Variants in NRXN1 observed in about 807,000 individuals in gnomAD.
NRXN1 encodes the protein neurexin 1.
Under a neutral mutation model 150.9 loss-of-function variants are expected in NRXN1, and 39 were observed. The observed-to-expected ratio is 0.26, with a 90% CI of 0.20 to 0.34. The LOEUF is 0.34. NRXN1 is among the 10% of genes least tolerant of loss of function. NRXN1 has a pLI of 1.00. For synonymous variants in NRXN1, 924 were observed against 757.0 expected (o/e 1.22, Z -3.62); for missense variants, 1,815 against 1,949.9 (o/e 0.93, Z 1.30).
intron 2 of NRXN1, among the ~76,000 whole-genome samples, chr2:50,996,892 G>T (rs945303273): frequency 3.3e-5 from 5 of 152,166 alleles, no homozygotes; most frequent in Middle Eastern, 3.4e-3. Context: ...CGTGAGGGGG[G>T]AGTAATCATT....
At chr2:50,595,770 T>C (rs1204737285) in intron 8 of NRXN1, among the ~76,000 whole-genome samples, 1 of 152,244 alleles carries the variant, frequency 6.6e-6, no homozygotes, top group Non-Finnish European at 1.5e-5. Flanking sequence ...AAGTCAATTA[T>C]GACTTTAGTT....
intron 5 of NRXN1, among the ~76,000 whole-genome samples, chr2:50,786,267 C>T (rs148823535): frequency 1.3e-5 from 2 of 152,126 alleles, no homozygotes; most frequent in African/African-American, 2.4e-5. Flanking sequence ...GGCATGATGC[C>T]GTCTCTAAAT....
intron 21 of NRXN1, among the ~76,000 whole-genome samples, chr2:49,965,123 A>G (rs982912784): frequency 1.3e-5 from 2 of 151,930 alleles, no homozygotes; most frequent in African/African-American, 4.8e-5. Context: ...CCAATGATCC[A>G]CCTGCCTTGG....
intron 18 of NRXN1, among the ~76,000 whole-genome samples, chr2:50,153,998 T>A (rs2152776148): frequency 6.6e-6 from 1 of 151,782 alleles, no homozygotes; most frequent in East Asian, 1.9e-4. Flanking sequence ...AAACTAAAAC[T>A]GACTAAAATT....
intron 12 of NRXN1, among the ~76,000 whole-genome samples, chr2:50,520,268 A>T (rs529600410): frequency 1.3e-5 from 2 of 152,052 alleles, no homozygotes; most frequent in South Asian, 4.1e-4. Flanking sequence ...CTATTTTGAG[A>T]GTCAAAATTA....
At chr2:50,510,870 A>G (rs922992265) in intron 12 of NRXN1, among the ~76,000 whole-genome samples, 19 of 152,182 alleles carry the variant, frequency 1.2e-4, no homozygotes, top group African/African-American at 4.1e-4. Context: ...AGACCAGGTC[A>G]GAATTCAGCT....
intron 21 of NRXN1, among the ~76,000 whole-genome samples, chr2:49,984,718 A>AACACACACAC (rs149322054): frequency 0.082 from 11,976 of 146,838 alleles, 509 homozygotes; most frequent in Middle Eastern, 0.16. Flanking sequence ...AGAACACACA[A>AACACACACAC]ACACACACAC....
chr2:51,015,520 A>G (rs1417055635), intron 2 of NRXN1, among the ~76,000 whole-genome samples: 1 of 152,070 alleles, frequency 6.6e-6, no homozygotes, highest in Non-Finnish European at 1.5e-5. Context: ...GAACATGAAC[A>G]GCTCCCAGCT....
chr2:50,917,098 G>C (rs1298285352), intron 5 of NRXN1: 1 of 151,606 alleles, frequency 6.6e-6, no homozygotes, highest in Non-Finnish European at 1.5e-5. Context: ...TGTGAGTTAA[G>C]GGGATCCAGT....
chr2:50,881,904 A>T (rs993478891), intron 5 of NRXN1, among the ~76,000 whole-genome samples: 4 of 151,690 alleles, frequency 2.6e-5, no homozygotes, highest in African/African-American at 7.3e-5. Flanking sequence ...CTGTTTTTTT[A>T]AAAAAATATA....
At chr2:50,042,842 G>A (rs1405881893) in intron 21 of NRXN1, among the ~76,000 whole-genome samples, 7 of 152,062 alleles carry the variant, frequency 4.6e-5, no homozygotes, top group Non-Finnish European at 1.0e-4. Flanking sequence ...CAGGAAACAG[G>A]TTCTGCTTGG....
At chr2:50,089,306 A>G (rs983116447) in intron 19 of NRXN1, among the ~76,000 whole-genome samples, 3 of 152,220 alleles carry the variant, frequency 2.0e-5, no homozygotes, top group Admixed American at 6.5e-5. Context: ...TTGCACGTTC[A>G]GGTCCACTGT....
intron 5 of NRXN1, chr2:50,920,093 A>G (rs1685780367): frequency 7.9e-6 from 2 of 252,402 alleles, no homozygotes. Context: ...GTGATTTGCA[A>G]AATACTCAAG....
At position 51,028,165 on chromosome 2, in the gene NRXN1, C is replaced by G. The variant is rs910774989; in HGVS notation, c.109G>C (p.Glu37Gln). ...TTGGGGAAGCGCGTCCATTGGCCCT[C>G]GGCGCCCGGAAACTCCAGCCCGCTG... Reference protein sequence around the residue: ...LGSGLEFPGAEGQWTRFPKWN... With the variant: ...LGSGLEFPGAQGQWTRFPKWN... Residue 37 changes from glutamate to glutamine, a missense_variant, in exon 2 of 23, where the codon GAG becomes CAG. This residue lies in a region of NRXN1 where 554 missense variants were observed against 478.8 expected (regional missense o/e 1.16). Coordinates refer to ENST00000401669, the MANE Select transcript of NRXN1 (RefSeq NM_001330078.2). The G allele has an allele frequency of 1.3e-6, 2 of 1,519,456 alleles. No homozygotes were observed. The highest frequency in any genetic ancestry group is 2.5e-5 in the South Asian group (2 of 79,098). 94.1% of individuals were successfully genotyped at this position (1,519,456 alleles called of 1,614,324 possible). A position where few individuals can be genotyped will look rare whatever the true frequency, so the allele number is the denominator to read the frequency against.
intron 18 of NRXN1, among the ~76,000 whole-genome samples, chr2:50,176,699 A>G (rs1014065329): frequency 3.9e-5 from 6 of 152,138 alleles, no homozygotes; most frequent in Admixed American, 2.6e-4. Context: ...TCCTAAAGGT[A>G]TTTTTATTCA....
At chr2:50,946,420 T>C (rs896047291) in intron 2 of NRXN1, among the ~76,000 whole-genome samples, 7 of 152,162 alleles carry the variant, frequency 4.6e-5, no homozygotes, top group East Asian at 1.9e-4. Flanking sequence ...TGTGTATCTA[T>C]TGAGATTCTT....
At chr2:50,645,282 C>G (rs1684662666) in intron 5 of NRXN1, among the ~76,000 whole-genome samples, 1 of 151,690 alleles carries the variant, frequency 6.6e-6, no homozygotes, top group Admixed American at 6.6e-5. Context: ...AAAGACACAT[C>G]CCAGAAAATC....
intron 17 of NRXN1, among the ~76,000 whole-genome samples, chr2:50,277,554 TTCTCTTTC>T (rs1190112079): frequency 1.7e-5 from 2 of 118,478 alleles, no homozygotes; most frequent in Non-Finnish European, 3.7e-5. Flanking sequence ...CTCTCCCTCT[TTCTCTTTC>T]TTTCTTTCTT....
At chr2:50,328,764 AC>A (rs1203338226) in intron 17 of NRXN1, among the ~76,000 whole-genome samples, 1 of 152,072 alleles carries the variant, frequency 6.6e-6, no homozygotes, top group Non-Finnish European at 1.5e-5. Context: ...AGAATTGGAA[AC>A]TTTTCATTTC....
Sources: allele counts gnomAD v4.1 joint callset (sites outside exome capture counted in the v4.1 genomes callset), GRCh38; gene constraint gnomAD v4.1.1; regional missense constraint gnomAD v4.1.1; transcripts MANE v1.5; gene names NCBI Gene and HGNC (gene_info 2026-07-23, HGNC 2026-07-21).